Variants in GTF2A1 observed in about 807,000 individuals in gnomAD.
GTF2A1 encodes the protein transcription initiation factor IIA subunit 1.
Under a neutral mutation model 54.1 loss-of-function variants are expected in GTF2A1, and 12 were observed. That is an observed-to-expected ratio of 0.22 (90% CI 0.14 to 0.36). GTF2A1 has a LOEUF of 0.36. GTF2A1 is among the 10% of genes least tolerant of loss of function. The pLI, the probability that GTF2A1 is intolerant of heterozygous loss-of-function variation, is 1.00. For missense variants in GTF2A1, 335 were observed against 442.2 expected, an observed-to-expected ratio of 0.76 and a Z score of 2.17; for synonymous variants, 145 against 152.0, an observed-to-expected ratio of 0.95 and a Z score of 0.34.
intron 1 of GTF2A1, among the ~76,000 whole-genome samples, chr14:81,217,593 A>G (rs1893514033): frequency 6.6e-6 from 1 of 152,204 alleles, no homozygotes. Context: ...TGAGCTCAAG[A>G]GTTCAAGACC....
intron 8 of GTF2A1, among the ~76,000 whole-genome samples, chr14:81,183,705 G>GT (rs1374417625): frequency 1.3e-5 from 2 of 152,176 alleles, no homozygotes; most frequent in African/African-American, 4.8e-5. Context: ...GCTAAATGCT[G>GT]TATCAGCCCT....
chr14:81,180,482 TAGA>T (rs929061146), intron 8 of GTF2A1, 152 bp from the exon 9 acceptor site: 12 of 491,298 alleles, frequency 2.4e-5, no homozygotes, highest in South Asian at 3.0e-5. Context: ...TTTGTTTTTG[TAGA>T]AGAAGGGTCT....
At chr14:81,193,542 C>T (rs572559593) in intron 6 of GTF2A1, among the ~76,000 whole-genome samples, 1 of 152,332 alleles carries the variant, frequency 6.6e-6, no homozygotes, top group South Asian at 2.1e-4. Context: ...TGTCGTTTCA[C>T]TGTCAAACTA....
chr14:81,197,554 A>G (rs984145163), intron 4 of GTF2A1, 70 bp from the exon 5 acceptor site: 29 of 835,570 alleles, frequency 3.5e-5, no homozygotes, highest in Non-Finnish European at 5.0e-5. Context: ...AGCATATTTT[A>G]ATAGTGTATG....
chr14:81,205,094 C>T (rs1459337660), intron 2 of GTF2A1, among the ~76,000 whole-genome samples: 1 of 152,070 alleles, frequency 6.6e-6, no homozygotes, highest in East Asian at 1.9e-4. Flanking sequence ...CTTTGCCATA[C>T]TCACAGAGAG....
intron 6 of GTF2A1, among the ~76,000 whole-genome samples, chr14:81,193,666 T>A (rs142214961): frequency 1.3e-5 from 2 of 152,204 alleles, no homozygotes; most frequent in Admixed American, 1.3e-4. Context: ...AAAAGCTAAT[T>A]ATTTTTCTAA....
At chr14:81,200,357 C>G (rs561768474) in intron 4 of GTF2A1, among the ~76,000 whole-genome samples, 4 of 152,220 alleles carry the variant, frequency 2.6e-5, no homozygotes, top group Admixed American at 2.6e-4. Flanking sequence ...GGCGTGGTGG[C>G]TCACACCTGT....
At chr14:81,181,106 A>G (rs1892628907) in intron 8 of GTF2A1, among the ~76,000 whole-genome samples, 1 of 152,240 alleles carries the variant, frequency 6.6e-6, no homozygotes, top group African/African-American at 2.4e-5. Context: ...ATCCACAGTT[A>G]AACAAAAAGA....
chr14:81,212,653 G>C (rs2140040205), intron 2 of GTF2A1, among the ~76,000 whole-genome samples: 1 of 152,310 alleles, frequency 6.6e-6, no homozygotes, highest in South Asian at 2.1e-4. Flanking sequence ...AGAGGGGCTA[G>C]AGCTAATGAC....
chr14:81,196,402 T>TC (rs1892994814), intron 5 of GTF2A1, among the ~76,000 whole-genome samples, 161 bp from the exon 6 acceptor site: 1 of 152,338 alleles, frequency 6.6e-6, no homozygotes, highest in African/African-American at 2.4e-5. Flanking sequence ...TGCATAATCC[T>TC]CCCCTTCTCT....
At chr14:81,181,421 T>C (rs904636215) in intron 8 of GTF2A1, among the ~76,000 whole-genome samples, 1 of 152,248 alleles carries the variant, frequency 6.6e-6, no homozygotes, top group Non-Finnish European at 1.5e-5. Flanking sequence ...TTCAATGGTT[T>C]GACCAAGTGT....
chr14:81,194,400 T>C (rs1033005385), intron 6 of GTF2A1, among the ~76,000 whole-genome samples: 1 of 152,180 alleles, frequency 6.6e-6, no homozygotes, highest in African/African-American at 2.4e-5. Context: ...GTTTTTCTAT[T>C]TGTTTGGGGG....
At chr14:81,187,532 C>T (rs185930652) in intron 7 of GTF2A1, among the ~76,000 whole-genome samples, 449 of 152,310 alleles carry the variant, frequency 2.9e-3, no homozygotes, top group African/African-American at 0.01. Context: ...CCCCATTCTC[C>T]CTGTCCCCTG....
intron 4 of GTF2A1, among the ~76,000 whole-genome samples, chr14:81,198,621 C>CTT (rs1271589006): frequency 3.3e-5 from 5 of 152,150 alleles, no homozygotes; most frequent in Admixed American, 3.3e-4. Context: ...TTATTCTGCA[C>CTT]TTTAAGTATT....
intron 7 of GTF2A1, among the ~76,000 whole-genome samples, chr14:81,190,119 T>C (rs1027548106): frequency 2.0e-5 from 3 of 151,970 alleles, no homozygotes; most frequent in African/African-American, 7.2e-5. Flanking sequence ...AAAATTTAGA[T>C]AAATATATAG....
chr14:81,191,020 G>C (rs1275346398), intron 7 of GTF2A1, among the ~76,000 whole-genome samples: 1 of 152,118 alleles, frequency 6.6e-6, no homozygotes, highest in Non-Finnish European at 1.5e-5. Flanking sequence ...GAAGAATTTA[G>C]GGGGAGGAAA....
intron 8 of GTF2A1, among the ~76,000 whole-genome samples, chr14:81,184,208 A>C (rs1395536996): frequency 6.6e-6 from 1 of 152,176 alleles, no homozygotes; most frequent in Non-Finnish European, 1.5e-5. Context: ...ACTTAAAAGT[A>C]TATTCTTCAG....
chr14:81,191,524 T>A (rs1016819687), intron 7 of GTF2A1, among the ~76,000 whole-genome samples: 3 of 152,178 alleles, frequency 2.0e-5, no homozygotes, highest in Admixed American at 2.0e-4. Context: ...AATATCATTT[T>A]AAGGGGAAAA....
At chr14:81,185,027 T>C (rs1396049780) in intron 8 of GTF2A1, among the ~76,000 whole-genome samples, 3 of 152,214 alleles carry the variant, frequency 2.0e-5, no homozygotes, top group African/African-American at 7.2e-5. Flanking sequence ...AATTCCTTAA[T>C]GTTAGCAAAC....
Sources: gnomAD v4.1 joint callset for allele counts (sites outside exome capture counted in the v4.1 genomes callset) on GRCh38, gnomAD v4.1.1 for gene constraint, MANE v1.5 for transcripts, NCBI Gene and HGNC (gene_info 2026-07-23, HGNC 2026-07-21) for gene names.